The following SLC35F3 variants were observed in gnomAD, a reference collection of about 807,000 sequenced individuals.
The protein encoded by SLC35F3 is putative thiamine transporter SLC35F3.
Under a neutral mutation model 49.9 loss-of-function variants are expected in SLC35F3, and 25 were observed. The ratio of observed to expected loss-of-function variants is 0.50; its 90% CI spans 0.37 to 0.70. The LOEUF is 0.70. SLC35F3 is among the 30% of genes least tolerant of loss of function. The probability of loss-of-function intolerance (pLI) is 0.00; values close to 1 mark genes in which losing one functional copy is unlikely to be tolerated. For synonymous variants in SLC35F3, 275 were observed against 265.4 expected, an observed-to-expected ratio of 1.04 and a Z score of -0.35; for missense variants, 525 against 639.8, an observed-to-expected ratio of 0.82 and a Z score of 1.94.
At chr1:234,123,446 A>G (rs973577168) in intron 2 of SLC35F3, among the ~76,000 whole-genome samples, 5 of 152,158 alleles carry the variant, frequency 3.3e-5, no homozygotes, top group African/African-American at 4.8e-5. Context: ...ATCTTACTCT[A>G]TCGCTCAGGC....
At chr1:234,284,691 G>A (rs1422409243) in intron 3 of SLC35F3, among the ~76,000 whole-genome samples, 5 of 152,198 alleles carry the variant, frequency 3.3e-5, no homozygotes, top group Admixed American at 1.3e-4. Flanking sequence ...AGATGGGGGC[G>A]AGAGAATGCC....
chr1:234,070,073 G>T (rs1303328341), intron 2 of SLC35F3, among the ~76,000 whole-genome samples: 1 of 152,154 alleles, frequency 6.6e-6, no homozygotes, highest in Non-Finnish European at 1.5e-5. Context: ...TGGAAAGAAC[G>T]TGCAGAGCCA....
intron 2 of SLC35F3, among the ~76,000 whole-genome samples, chr1:234,002,730 CT>C (rs1189605484): frequency 6.6e-6 from 1 of 152,152 alleles, no homozygotes; most frequent in African/African-American, 2.4e-5. Flanking sequence ...ATAGCCCACC[CT>C]TAAGGAGGGT....
At chr1:233,921,681 C>G (rs1223637783) in intron 2 of SLC35F3, among the ~76,000 whole-genome samples, 1 of 151,892 alleles carries the variant, frequency 6.6e-6, no homozygotes, top group East Asian at 1.9e-4. Context: ...ACTTTAAGTT[C>G]TAGGGTACAT....
intron 2 of SLC35F3, among the ~76,000 whole-genome samples, chr1:234,140,002 A>AATAAAATAAAAAAAATAAAATAAAAAT: frequency 9.5e-6 from 1 of 105,368 alleles, no homozygotes. Context: ...AATAAAATAA[A>AATAAAATAAAAAAAATAAAATAAAAAT]GTAAGTGACT....
At chr1:234,167,069 C>G (rs1361783618) in intron 2 of SLC35F3, among the ~76,000 whole-genome samples, 1 of 152,234 alleles carries the variant, frequency 6.6e-6, no homozygotes, top group African/African-American at 2.4e-5. Flanking sequence ...CTGCTCCCCT[C>G]TCTGGGGGCC....
intron 2 of SLC35F3, among the ~76,000 whole-genome samples, chr1:233,914,032 G>A (rs1025458940): frequency 9.9e-5 from 15 of 152,156 alleles, no homozygotes; most frequent in African/African-American, 3.1e-4. Context: ...AACCATCAGA[G>A]CAGGCACCTT....
intron 2 of SLC35F3, among the ~76,000 whole-genome samples, chr1:234,051,953 C>G (rs1433971554): frequency 1.3e-5 from 2 of 152,088 alleles, no homozygotes; most frequent in Non-Finnish European, 2.9e-5. Flanking sequence ...TATTGATTTG[C>G]GTATGTTGAA....
At chr1:234,024,686 T>C (rs1663951213) in intron 2 of SLC35F3, among the ~76,000 whole-genome samples, 1 of 152,158 alleles carries the variant, frequency 6.6e-6, no homozygotes, top group African/African-American at 2.4e-5. Context: ...TAACCCATGA[T>C]CCACTAACTC....
chr1:234,309,304 GA>G lies in SLC35F3; in HGVS notation c.813del (p.Arg271SerfsTer5). The G allele has an allele frequency of 6.2e-7, 1 of 1,614,210 alleles. No individual in the cohort carries two copies. The highest frequency in any genetic ancestry group is 1.1e-5 in the South Asian group (1 of 91,082). ...FLLSWIVLRD[R>X]FMGVRIVAAI... ...CTCTCATGGATCGTTCTCAGGGACAGATTCATGGGAGTGAGGGTAAGTTCCT... is the reference window on the plus strand; with the variant it reads ...CTCTCATGGATCGTTCTCAGGGACAGTTCATGGGAGTGAGGGTAAGTTCCT... On this transcript the variant is annotated frameshift_variant, in exon 4 of 8. Transcript: ENST00000366618. LOFTEE classifies it high-confidence loss of function.
At chr1:234,140,624 G>A (rs1665900950) in intron 2 of SLC35F3, among the ~76,000 whole-genome samples, 1 of 152,080 alleles carries the variant, frequency 6.6e-6, no homozygotes, top group Middle Eastern at 3.4e-3. Context: ...CTTAGGCTTC[G>A]GTAAATCACA....
chr1:233,981,929 G>A (rs71638482), intron 2 of SLC35F3, among the ~76,000 whole-genome samples: 3,933 of 152,150 alleles, frequency 0.026, 87 homozygotes, highest in Non-Finnish European at 0.042. Context: ...GATGTTGAAC[G>A]TTTTTTTGTT....
At chr1:234,122,725 C>T (rs1360975328) in intron 2 of SLC35F3, among the ~76,000 whole-genome samples, 1 of 152,200 alleles carries the variant, frequency 6.6e-6, no homozygotes, top group Admixed American at 6.5e-5. Flanking sequence ...GTTTGGTTTT[C>T]TGTTCCTGTG....
intron 3 of SLC35F3, among the ~76,000 whole-genome samples, chr1:234,280,420 A>T (rs534640951): frequency 6.6e-6 from 1 of 152,358 alleles, no homozygotes; most frequent in South Asian, 2.1e-4. Flanking sequence ...AATCATCATT[A>T]GATATATTCA....
chr1:233,982,114 G>A (rs1246916193), intron 2 of SLC35F3, among the ~76,000 whole-genome samples: 1 of 152,100 alleles, frequency 6.6e-6, no homozygotes, highest in Admixed American at 6.5e-5. Context: ...TAGTAGAGAT[G>A]GGGTTTTGCC....
At chr1:234,298,357 T>C (rs1452860167) in intron 3 of SLC35F3, among the ~76,000 whole-genome samples, 5 of 152,204 alleles carry the variant, frequency 3.3e-5, no homozygotes, top group Non-Finnish European at 5.9e-5. Flanking sequence ...TTACCTTTTT[T>C]ACTCCAAAGA....
At chr1:234,159,345 G>A (rs1394822914) in intron 2 of SLC35F3, among the ~76,000 whole-genome samples, 1 of 152,124 alleles carries the variant, frequency 6.6e-6, no homozygotes, top group Non-Finnish European at 1.5e-5. Context: ...GGGAGACTGA[G>A]GTGGGTGGAT....
At chr1:234,160,276 TC>T (rs1666207257) in intron 2 of SLC35F3, among the ~76,000 whole-genome samples, 1 of 152,202 alleles carries the variant, frequency 6.6e-6, no homozygotes, top group South Asian at 2.1e-4. Flanking sequence ...TGTTGAAGTT[TC>T]AGGCCAGCAT....
rs573930467 is a variant in SLC35F3 at position 234,248,216 on chromosome 1, T to A, written c.608+16475T>A. Among the ~76,000 whole-genome samples the A allele has an allele frequency of 7.3e-4, 110 of 151,278 alleles. 10 individuals carry two copies. Among genetic ancestry groups the A allele is most frequent in the Admixed American group, 6.8e-3 (99 of 14,498 alleles). On this transcript the variant is annotated intron_variant, in intron 3 of 7. Coordinates refer to ENST00000366618, the MANE Select transcript of SLC35F3 (RefSeq NM_173508.4). Reference sequence around the variant, plus strand: ...GCTGGTCCATTGTTTGGTGGGTTGGTTGGTTGGTCCATTGTTTGGTGGGTC... The same window carrying A: ...GCTGGTCCATTGTTTGGTGGGTTGGATGGTTGGTCCATTGTTTGGTGGGTC...
Sources: allele counts gnomAD v4.1 joint callset (sites outside exome capture counted in the v4.1 genomes callset), GRCh38; gene constraint gnomAD v4.1.1; transcripts MANE v1.5; gene names NCBI Gene and HGNC (gene_info 2026-07-23, HGNC 2026-07-21).